ARHGAP25: variants seen among roughly 807,000 people sequenced by gnomAD.
The protein encoded by ARHGAP25 is Rho GTPase activating protein 25.
A neutral mutation model predicts 71.0 loss-of-function variants in ARHGAP25; 34 were observed. The ratio of observed to expected loss-of-function variants is 0.48; its 90% confidence interval spans 0.36 to 0.64. The LOEUF (loss-of-function observed/expected upper bound fraction) is 0.64. Ranked by LOEUF, ARHGAP25 falls within the 30% of genes least tolerant of loss-of-function variation. The pLI is 0.00. For synonymous variants in ARHGAP25, 282 were observed against 296.5 expected, an observed-to-expected ratio of 0.95 and a Z score of 0.50; for missense variants, 706 against 805.1, an observed-to-expected ratio of 0.88 and a Z score of 1.49.
chr2:68,788,951 G>A (rs1403309288), intron 4 of ARHGAP25, among the ~76,000 whole-genome samples: 6 of 151,462 alleles, frequency 4.0e-5, no homozygotes, highest in Non-Finnish European at 8.8e-5. Context: ...GGCATTTTAT[G>A]TTTATCTTTC....
chr2:68,823,283 C>T (rs867844426), intron 10 of ARHGAP25, among the ~76,000 whole-genome samples: 1 of 144,704 alleles, frequency 6.9e-6, no homozygotes, highest in African/African-American at 2.6e-5. Flanking sequence ...AGACAAAAGT[C>T]CCTGCACTTA....
intron 1 of ARHGAP25, among the ~76,000 whole-genome samples, chr2:68,752,371 C>A (rs1472831905): frequency 1.3e-5 from 2 of 151,626 alleles, no homozygotes; most frequent in Non-Finnish European, 2.9e-5. Flanking sequence ...AGACACCTGC[C>A]ATTTCTGTTT....
intron 1 of ARHGAP25, among the ~76,000 whole-genome samples, chr2:68,741,431 G>T (rs955072659): frequency 3.9e-5 from 6 of 152,164 alleles, no homozygotes; most frequent in African/African-American, 1.2e-4. Flanking sequence ...TCTCCTCTTT[G>T]TCTTGGCTGC....
At chr2:68,741,410 A>C (rs921146614) in intron 1 of ARHGAP25, among the ~76,000 whole-genome samples, 1 of 152,192 alleles carries the variant, frequency 6.6e-6, no homozygotes, top group Non-Finnish European at 1.5e-5. Context: ...CAGGAGTGCA[A>C]CTTACTGTGT....
chr2:68,759,545 T>G (rs765163845), intron 1 of ARHGAP25, among the ~76,000 whole-genome samples: 12 of 151,914 alleles, frequency 7.9e-5, no homozygotes, highest in Non-Finnish European at 1.5e-4. Flanking sequence ...TAGTTTTAGT[T>G]TAGAAAAGAA....
At position 68,725,189 on chromosome 2, in the gene ARHGAP25, C is replaced by T. The variant is rs116559042; in HGVS notation, c.-18+14491C>T. On this transcript the variant is annotated intron_variant and NMD_transcript_variant, in intron 2 of 7. Coordinates refer to the ARHGAP25 transcript ENST00000463483. ...CATGCGCAGTGAGCTGAGCAGGCCA[C>T]GCTGGTGCAGACCTGCTGTCTCACT... Among the ~76,000 whole-genome samples, 973 of 152,292 alleles carry T rather than the reference C, an allele frequency of 6.4e-3. 14 individuals are homozygous for T. Among genetic ancestry groups the T allele is most frequent in the African/African-American group, 0.022 (926 of 41,556 alleles).
chr2:68,823,863 T>TA (rs1446779741), intron 10 of ARHGAP25, among the ~76,000 whole-genome samples: 1 of 152,216 alleles, frequency 6.6e-6, no homozygotes, highest in Non-Finnish European at 1.5e-5. Context: ...CTTGGGTAGA[T>TA]AGAGTATTTT....
intron 1 of ARHGAP25, among the ~76,000 whole-genome samples, chr2:68,772,586 C>T (rs190574806): frequency 1.3e-5 from 2 of 152,366 alleles, no homozygotes; most frequent in African/African-American, 4.8e-5. Context: ...TTTGCCTACT[C>T]TCTGCCCTCT....
chr2:68,774,952 C>T, intron 1 of ARHGAP25: 1 of 1,416,844 alleles, frequency 7.1e-7, no homozygotes, highest in South Asian at 1.5e-5. Flanking sequence ...ATGACGGGGC[C>T]CGCCGCGGTG....
chr2:68,813,536 T>G, intron 6 of ARHGAP25, 117 bp downstream of exon 6: 1 of 1,160,798 alleles, frequency 8.6e-7, no homozygotes, highest in South Asian at 1.6e-5. Flanking sequence ...GATAGTCAAA[T>G]GCAACTTCCT....
chr2:68,807,521 T>C, intron 5 of ARHGAP25, 41 bp downstream of exon 5: 1 of 1,595,842 alleles, frequency 6.3e-7, no homozygotes, highest in African/African-American at 1.3e-5. Context: ...TGCCCTCCCC[T>C]CTGCTTGGCT....
intron 1 of ARHGAP25, chr2:68,774,827 T>G: frequency 1.8e-6 from 2 of 1,134,942 alleles, no homozygotes; most frequent in South Asian, 2.2e-5. Flanking sequence ...AGGCATTATT[T>G]TCTCCTCTCT....
chr2:68,771,789 A>G (rs1354084344), intron 1 of ARHGAP25, among the ~76,000 whole-genome samples: 1 of 152,230 alleles, frequency 6.6e-6, no homozygotes, highest in Non-Finnish European at 1.5e-5. Flanking sequence ...CCCAGTGCTC[A>G]TAGTTACACA....
chr2:68,797,615 T>A (rs1348228255), intron 4 of ARHGAP25, among the ~76,000 whole-genome samples: 1 of 152,044 alleles, frequency 6.6e-6, no homozygotes, highest in Non-Finnish European at 1.5e-5. Flanking sequence ...CAAGGGTTCA[T>A]CCCCCGCTCA....
In ARHGAP25 at chr2:68,734,857, A is replaced by G; in HGVS notation, c.-343A>G. On this transcript the variant is annotated 5_prime_UTR_variant, in exon 1 of 11. Coordinates refer to ENST00000409202, the MANE Select transcript of ARHGAP25 (RefSeq NM_001007231.3). Reference sequence around the variant, plus strand: ...CTCAGTAAGGCCTGAGATTCTTTCGAAAAGGAGCTTTGCTTCCCATGACGC... The same window carrying G: ...CTCAGTAAGGCCTGAGATTCTTTCGGAAAGGAGCTTTGCTTCCCATGACGC... The G allele has an allele frequency of 3.0e-6, 1 of 328,004 alleles. No individual in the cohort carries two copies. Among genetic ancestry groups the G allele is most frequent in the Non-Finnish European group, 5.6e-6 (1 of 177,064 alleles). 20.3% of individuals were successfully genotyped at this position (328,004 alleles called of 1,614,324 possible).
At chr2:68,806,557 G>T (rs1016923102) in intron 4 of ARHGAP25, among the ~76,000 whole-genome samples, 1 of 152,142 alleles carries the variant, frequency 6.6e-6, no homozygotes. Context: ...CAACTACTAC[G>T]CGACTCCTGG....
At chr2:68,713,455 A>G (rs1001454618) in intron 2 of ARHGAP25, among the ~76,000 whole-genome samples, 3 of 152,168 alleles carry the variant, frequency 2.0e-5, no homozygotes, top group Non-Finnish European at 4.4e-5. Flanking sequence ...GCAAACAGAG[A>G]CAATTTGACT....
At chr2:68,738,201 T>C (rs1253052145) in intron 1 of ARHGAP25, among the ~76,000 whole-genome samples, 3 of 150,788 alleles carry the variant, frequency 2.0e-5, no homozygotes, top group Non-Finnish European at 4.4e-5. Flanking sequence ...CTTCACGCAG[T>C]TACTCAAATA....
intron 1 of ARHGAP25, among the ~76,000 whole-genome samples, chr2:68,740,516 C>G (rs1675465592): frequency 6.6e-6 from 1 of 152,184 alleles, no homozygotes; most frequent in Non-Finnish European, 1.5e-5. Context: ...CTGCCTGGAG[C>G]CCTCTCTCCA....
Sources: gnomAD v4.1 joint callset for allele counts (sites outside exome capture counted in the v4.1 genomes callset) on GRCh38, gnomAD v4.1.1 for gene constraint, MANE v1.5 for transcripts, NCBI Gene and HGNC (gene_info 2026-07-23, HGNC 2026-07-21) for gene names.